The following CSMD1 variants were observed in gnomAD, a reference collection of about 807,000 sequenced individuals.
The protein encoded by CSMD1 is CUB and sushi domain-containing protein 1.
Under a neutral mutation model 417.5 loss-of-function variants are expected in CSMD1, and 213 were observed. That is an observed-to-expected ratio of 0.51 (90% CI 0.46 to 0.57). The LOEUF is 0.57. Ranked by LOEUF, CSMD1 falls within the 20% of genes least tolerant of loss-of-function variation. CSMD1 has a pLI of 0.00. For missense variants in CSMD1, 6,923 were observed against 4,529.7 expected (o/e 1.53, Z -15.17); for synonymous variants, 2,862 against 1,736.8 (o/e 1.65, Z -16.11).
intron 5 of CSMD1, among the ~76,000 whole-genome samples, chr8:3,940,497 CTGTGTGTGTGTG>C (rs34005059): frequency 0.058 from 8,375 of 145,036 alleles, 295 homozygotes; most frequent in Middle Eastern, 0.11. Flanking sequence ...ATTATTTCCT[CTGTGTGTGTGTG>C]TGTGTGTGTG....
chr8:4,532,286 A>G (rs928599156), intron 2 of CSMD1, among the ~76,000 whole-genome samples: 58 of 146,036 alleles, frequency 4.0e-4, no homozygotes, highest in Non-Finnish European at 8.0e-4. Context: ...GAAATCCTGC[A>G]AGCCCATTCA....
At chr8:3,440,776 TTTG>T (rs1218614221) in intron 12 of CSMD1, among the ~76,000 whole-genome samples, 2 of 152,202 alleles carry the variant, frequency 1.3e-5, no homozygotes, top group African/African-American at 4.8e-5. Context: ...TAAGTGTTTT[TTTG>T]TTTTGTTTTG....
intron 1 of CSMD1, among the ~76,000 whole-genome samples, chr8:4,952,485 A>G (rs558085486): frequency 3.9e-5 from 6 of 152,208 alleles, no homozygotes; most frequent in South Asian, 2.1e-4. Context: ...CAAAATATTT[A>G]AGGACATAAA....
intron 3 of CSMD1, among the ~76,000 whole-genome samples, chr8:4,073,930 G>A (rs1454295311): frequency 1.3e-5 from 2 of 152,192 alleles, no homozygotes; most frequent in East Asian, 1.9e-4. Context: ...TATACAGACG[G>A]TTTTTGACGG....
intron 10 of CSMD1, among the ~76,000 whole-genome samples, chr8:3,523,814 C>T (rs1797623410): frequency 6.6e-6 from 1 of 150,988 alleles, no homozygotes. Context: ...CACATACACA[C>T]ACGCACATAT....
At chr8:4,321,500 C>T (rs1456508988) in intron 3 of CSMD1, among the ~76,000 whole-genome samples, 2 of 152,064 alleles carry the variant, frequency 1.3e-5, no homozygotes. Context: ...CAAACAAACC[C>T]ACAGCAGAGG....
At chr8:3,738,389 C>T (rs532529441) in intron 6 of CSMD1, among the ~76,000 whole-genome samples, 2 of 152,318 alleles carry the variant, frequency 1.3e-5, no homozygotes, top group African/African-American at 2.4e-5. Context: ...GTACATTCTT[C>T]TCATAAAATA....
intron 3 of CSMD1, among the ~76,000 whole-genome samples, chr8:4,251,065 C>T (rs1803035934): frequency 6.6e-6 from 1 of 152,124 alleles, no homozygotes; most frequent in African/African-American, 2.4e-5. Flanking sequence ...TCTGCAGGTG[C>T]TTGTGAAATG....
chr8:4,036,973 GT>G (rs1797653353), intron 3 of CSMD1, among the ~76,000 whole-genome samples: 1 of 151,190 alleles, frequency 6.6e-6, no homozygotes, highest in Non-Finnish European at 1.5e-5. Flanking sequence ...GTGTGTGTGT[GT>G]GTGTGTGTGT....
intron 10 of CSMD1, among the ~76,000 whole-genome samples, chr8:3,499,836 G>C (rs960038344): frequency 1.3e-5 from 2 of 152,106 alleles, no homozygotes; most frequent in Non-Finnish European, 2.9e-5. Flanking sequence ...CTGTGGGCAG[G>C]ATGTACTCTG....
intron 6 of CSMD1, among the ~76,000 whole-genome samples, chr8:3,730,784 C>G (rs375877256): frequency 2.6e-4 from 39 of 152,114 alleles, no homozygotes; most frequent in African/African-American, 8.9e-4. Context: ...AGGTGATACC[C>G]TTAACCTAAT....
intron 1 of CSMD1, among the ~76,000 whole-genome samples, chr8:4,945,264 C>T (rs1244151181): frequency 6.6e-6 from 1 of 152,092 alleles, no homozygotes; most frequent in Admixed American, 6.6e-5. Flanking sequence ...TGGGGAGTTA[C>T]TGTTGAATGG....
intron 1 of CSMD1, among the ~76,000 whole-genome samples, chr8:4,938,920 T>C (rs1177866153): frequency 1.3e-5 from 2 of 151,902 alleles, no homozygotes; most frequent in Non-Finnish European, 2.9e-5. Context: ...TTCATATACT[T>C]GTTAAACTTT....
chr8:3,729,200 C>T (rs908699475), intron 6 of CSMD1, among the ~76,000 whole-genome samples: 5 of 152,122 alleles, frequency 3.3e-5, no homozygotes, highest in Non-Finnish European at 5.9e-5. Context: ...TAAGCAATGC[C>T]GTCTTAAAAA....
At position 3,850,529 on chromosome 8, in the gene CSMD1, T is replaced by C. The variant is rs140809876; in HGVS notation, c.819-96487A>G. ...GGCCAACATGGCAAAACCCCATCTC[T>C]ATTATGGATACAAAAATTAGCCGGG... On this transcript the variant is annotated intron_variant, in intron 5 of 69. Transcript: ENST00000635120. Among the ~76,000 whole-genome samples the C allele has an allele frequency of 7.1e-3, 1,075 of 152,092 alleles. 21 individuals are homozygous for C. The highest frequency in any genetic ancestry group is 0.025 in the African/African-American group (1,019 of 41,492).
intron 3 of CSMD1, among the ~76,000 whole-genome samples, chr8:4,288,626 G>A (rs927018938): frequency 2.0e-5 from 3 of 152,140 alleles, no homozygotes; most frequent in Non-Finnish European, 4.4e-5. Flanking sequence ...CAAGGTGAAG[G>A]ATGTTGCCAC....
intron 7 of CSMD1, among the ~76,000 whole-genome samples, chr8:3,620,331 C>T (rs1208983660): frequency 6.7e-6 from 1 of 150,008 alleles, no homozygotes; most frequent in East Asian, 1.9e-4. Flanking sequence ...CTTGAAGCCT[C>T]ATGAAAAGAA....
chr8:3,475,772 T>C (rs930788414), intron 11 of CSMD1, among the ~76,000 whole-genome samples: 2 of 152,214 alleles, frequency 1.3e-5, no homozygotes, highest in African/African-American at 4.8e-5. Context: ...TAACCCAAAA[T>C]GAAGGAAATG....
intron 8 of CSMD1, among the ~76,000 whole-genome samples, chr8:3,611,600 A>T (rs1801897364): frequency 6.6e-6 from 1 of 152,190 alleles, no homozygotes; most frequent in Non-Finnish European, 1.5e-5. Flanking sequence ...TGTAATTTTC[A>T]TTTGTAATTT....
Sources: gnomAD v4.1 joint callset for allele counts (sites outside exome capture counted in the v4.1 genomes callset) on GRCh38, gnomAD v4.1.1 for gene constraint, MANE v1.5 for transcripts, NCBI Gene and HGNC (gene_info 2026-07-23, HGNC 2026-07-21) for gene names.